Variants in DLC1 observed in about 807,000 individuals in gnomAD.
The protein encoded by DLC1 is DLC1 Rho GTPase activating protein.
A neutral mutation model predicts 140.3 loss-of-function variants in DLC1; 54 were observed. The observed-to-expected ratio is 0.38, with a 90% CI of 0.31 to 0.48. DLC1 has a LOEUF of 0.48. Ranked by LOEUF, DLC1 falls within the 20% of genes least tolerant of loss-of-function variation. The probability of loss-of-function intolerance (pLI) is 0.96; values close to 1 mark genes in which losing one functional copy is unlikely to be tolerated. For synonymous variants in DLC1, 986 were observed against 728.1 expected (o/e 1.35, Z -5.70); for missense variants, 2,536 against 1,907.0 (o/e 1.33, Z -6.14).
chr8:13,382,696 T>C (rs1006773556), intron 4 of DLC1, among the ~76,000 whole-genome samples: 4 of 152,130 alleles, frequency 2.6e-5, no homozygotes, highest in Non-Finnish European at 5.9e-5. Context: ...CAAGAAAATA[T>C]GGTCTCAAAA....
Position 13,464,489 on chromosome 8 carries a change from CT to C in DLC1, c.1023+34559del, listed in dbSNP as rs367800264. ...ATTTGTTATCACATTAAATGTTTCT[CT>C]TTTTTGCCTTTTAATACATCAGTTG... On this transcript the variant is annotated intron_variant, in intron 2 of 17. Coordinates refer to ENST00000276297, the MANE Select transcript of DLC1 (RefSeq NM_182643.3). Among the ~76,000 whole-genome samples, 42 of 151,500 alleles carry C rather than the reference CT, an allele frequency of 2.8e-4. 1 individual carries two copies. In the East Asian group the frequency reaches 7.3e-3, roughly 26 times the overall value.
intron 2 of DLC1, among the ~76,000 whole-genome samples, chr8:13,466,651 C>G (rs1799957189): frequency 6.6e-6 from 1 of 152,148 alleles, no homozygotes; most frequent in Admixed American, 6.5e-5. Context: ...CAGAGCAGGG[C>G]TAGAGTTTAT....
intron 5 of DLC1, among the ~76,000 whole-genome samples, chr8:13,293,128 G>A (rs1348495355): frequency 1.3e-5 from 2 of 152,212 alleles, no homozygotes; most frequent in African/African-American, 4.8e-5. Context: ...TACTGGGGAG[G>A]CTGAGGCGGG....
chr8:13,440,460 C>T (rs1208227315), intron 2 of DLC1, among the ~76,000 whole-genome samples: 1 of 151,876 alleles, frequency 6.6e-6, no homozygotes, highest in East Asian at 1.9e-4. Context: ...CTACATGTGT[C>T]AATGAAATGT....
At chr8:13,407,184 C>G (rs917378863) in intron 2 of DLC1, among the ~76,000 whole-genome samples, 5 of 152,146 alleles carry the variant, frequency 3.3e-5, no homozygotes, top group African/African-American at 1.2e-4. Flanking sequence ...GAAAGAAGTT[C>G]CTAATTTACT....
chr8:13,294,290 A>G (rs1310268619), intron 5 of DLC1, among the ~76,000 whole-genome samples: 3 of 152,214 alleles, frequency 2.0e-5, no homozygotes, highest in Non-Finnish European at 2.9e-5. Flanking sequence ...GGTGCACCGT[A>G]CTGTGCTACA....
At chr8:13,231,059 A>G (rs933086061) in intron 5 of DLC1, among the ~76,000 whole-genome samples, 12 of 152,074 alleles carry the variant, frequency 7.9e-5, no homozygotes, top group Admixed American at 7.9e-4. Flanking sequence ...GAGGAAAGGG[A>G]TCTTTGGAAT....
chr8:13,121,180 A>G (rs1233501275), intron 5 of DLC1, among the ~76,000 whole-genome samples: 1 of 152,204 alleles, frequency 6.6e-6, no homozygotes, highest in Non-Finnish European at 1.5e-5. Context: ...TTTGATAGAC[A>G]TATGGGCAAA....
intron 5 of DLC1, among the ~76,000 whole-genome samples, chr8:13,158,726 A>ACC (rs1824436999): frequency 1.1e-3 from 19 of 17,020 alleles, no homozygotes; most frequent in Non-Finnish European, 1.7e-3. Context: ...GTTCACAACC[A>ACC]CCACCCTCCC....
intron 5 of DLC1, among the ~76,000 whole-genome samples, chr8:13,135,517 T>C (rs1432907764): frequency 6.6e-6 from 1 of 152,060 alleles, no homozygotes; most frequent in Non-Finnish European, 1.5e-5. Context: ...ATCCCGTGAT[T>C]GGATTTGCAT....
intron 5 of DLC1, among the ~76,000 whole-genome samples, chr8:13,151,186 G>A (rs1352097897): frequency 6.6e-6 from 1 of 152,138 alleles, no homozygotes; most frequent in Non-Finnish European, 1.5e-5. Flanking sequence ...AACATATGAT[G>A]TTTACATGGG....
intron 4 of DLC1, among the ~76,000 whole-genome samples, chr8:13,358,474 G>A (rs899851641): frequency 6.6e-6 from 1 of 152,102 alleles, no homozygotes; most frequent in African/African-American, 2.4e-5. Flanking sequence ...TCAGTTTTGT[G>A]CTGCTTAACT....
intron 13 of DLC1, 146 bp downstream of exon 13, chr8:13,092,466 T>C (rs1818153490): frequency 5.9e-6 from 5 of 846,824 alleles, no homozygotes; most frequent in African/African-American, 1.7e-5. Flanking sequence ...GGTATGTCTT[T>C]ATTAGCGGTG....
chr8:13,566,969 G>C (rs1186501009), intron 1 of DLC1: 2 of 1,522,326 alleles, frequency 1.3e-6, no homozygotes, highest in Non-Finnish European at 1.8e-6. Flanking sequence ...AAGGAGATGA[G>C]GAGCCGAGCC....
chr8:13,287,987 C>A (rs1408425514), intron 5 of DLC1, among the ~76,000 whole-genome samples: 1 of 151,712 alleles, frequency 6.6e-6, no homozygotes, highest in Non-Finnish European at 1.5e-5. Flanking sequence ...TCTTTAAATT[C>A]ATACGTTATC....
intron 1 of DLC1, among the ~76,000 whole-genome samples, chr8:13,543,208 A>C (rs1803544662): frequency 1.3e-5 from 2 of 152,196 alleles, no homozygotes; most frequent in South Asian, 2.1e-4. Flanking sequence ...AAATTCACAA[A>C]AATAATGCAA....
chr8:13,287,232 C>T (rs1040501039), intron 5 of DLC1, among the ~76,000 whole-genome samples: 4 of 152,006 alleles, frequency 2.6e-5, no homozygotes, highest in Admixed American at 6.6e-5. Context: ...AAAGTGTGGC[C>T]AATTCAATGT....
intron 5 of DLC1, among the ~76,000 whole-genome samples, chr8:13,151,551 AAAAAG>A (rs1234091433): frequency 6.6e-6 from 1 of 152,190 alleles, no homozygotes; most frequent in Non-Finnish European, 1.5e-5. Context: ...AAATGGACTG[AAAAAG>A]AAAAAAGAAT....
At chr8:13,286,979 A>G (rs1042985504) in intron 5 of DLC1, among the ~76,000 whole-genome samples, 2 of 152,210 alleles carry the variant, frequency 1.3e-5, no homozygotes, top group African/African-American at 2.4e-5. Context: ...AGACTGAAGC[A>G]CAAATGCGGA....
Sources: allele counts gnomAD v4.1 joint callset (sites outside exome capture counted in the v4.1 genomes callset), GRCh38; gene constraint gnomAD v4.1.1; transcripts MANE v1.5; gene names NCBI Gene and HGNC (gene_info 2026-07-23, HGNC 2026-07-21).